ATRX: variants seen among roughly 807,000 people sequenced by gnomAD.
ATRX encodes chromatin remodeler ATRX.
In ATRX, 12 loss-of-function variants were observed where a neutral mutation model predicts 172.6. The observed-to-expected ratio is 0.07, with a 90% confidence interval of 0.04 to 0.11. The LOEUF (loss-of-function observed/expected upper bound fraction) is 0.11. Ranked by LOEUF, ATRX falls within the 10% of genes least tolerant of loss-of-function variation. ATRX has a pLI of 1.00. For missense variants in ATRX, 1,368 were observed against 1,767.4 expected, an observed-to-expected ratio of 0.77 and a Z score of 4.05; for synonymous variants, 674 against 594.7, an observed-to-expected ratio of 1.13 and a Z score of -1.94.
intron 1 of ATRX, chrX:77,728,217 T>TAAAAA (rs781917697): frequency 2.1e-5 from 2 of 93,788 alleles, no homozygotes; most frequent in Non-Finnish European, 4.3e-5. Flanking sequence ...CATCTTTATT[T>TAAAAA]AAAAAAAAAA....
At chrX:77,525,113 A>G (rs1324554872) in intron 30 of ATRX, among the ~76,000 whole-genome samples, 4 of 112,366 alleles carry the variant, frequency 3.6e-5, no homozygotes, top group African/African-American at 1.3e-4. Flanking sequence ...ACAGGACTCA[A>G]TAAAGTCTAC....
intron 1 of ATRX, among the ~76,000 whole-genome samples, chrX:77,728,825 T>A (rs1166723728): frequency 1.9e-5 from 2 of 105,324 alleles, no homozygotes; most frequent in African/African-American, 6.9e-5. Context: ...AGTGGTTCGA[T>A]CTCGGCTCAC....
chrX:77,738,608 T>C (rs1557180305), intron 1 of ATRX, among the ~76,000 whole-genome samples: 1 of 96,586 alleles, frequency 1.0e-5, no homozygotes, highest in Non-Finnish European at 2.1e-5. Flanking sequence ...CTGTCACCCA[T>C]GCTGGAGTTC....
intron 1 of ATRX, chrX:77,728,207 C>A (rs2074137164): frequency 9.5e-6 from 1 of 105,188 alleles, no homozygotes; most frequent in Non-Finnish European, 2.0e-5. Flanking sequence ...AGCGAGCCCC[C>A]ATCTTTATTT....
chrX:77,690,764 T>C (rs1312590895), intron 6 of ATRX: 4 of 112,462 alleles, frequency 3.6e-5, no homozygotes, highest in African/African-American at 1.3e-4. Context: ...AAATAAAATG[T>C]AGAATCTGAA....
intron 10 of ATRX, among the ~76,000 whole-genome samples, chrX:77,670,108 T>C (rs2070475164): frequency 8.9e-6 from 1 of 112,133 alleles, no homozygotes; most frequent in Admixed American, 9.5e-5. Flanking sequence ...TTTTATCTTT[T>C]AAGAGGTTCT....
intron 30 of ATRX, among the ~76,000 whole-genome samples, chrX:77,538,383 T>G (rs1487304767): frequency 9.0e-6 from 1 of 110,633 alleles, no homozygotes; most frequent in Non-Finnish European, 1.9e-5. Context: ...AGTCAAATAC[T>G]ACATATTCTC....
intron 28 of ATRX, among the ~76,000 whole-genome samples, chrX:77,559,142 T>G (rs1424313990): frequency 9.0e-6 from 1 of 111,011 alleles, no homozygotes; most frequent in Non-Finnish European, 1.9e-5. Flanking sequence ...CTGAATAAAT[T>G]TAGAGAATTT....
In ATRX at chrX:77,730,466, A is replaced by C. The variant is rs1364977752; in HGVS notation, c.21-13223T>G. Among the ~76,000 whole-genome samples the C allele has an allele frequency of 2.7e-5, 3 of 112,042 alleles. No individual in the cohort carries two copies. In the East Asian group the frequency reaches 8.4e-4, roughly 31 times the overall value. ...AACCAACAATGAAGCATCAGACTTA[A>C]TGTGCATTAGAGGCCAAATGGACCT... On this transcript the variant is annotated intron_variant, in intron 1 of 34. Transcript: ENST00000373344.
chrX:77,728,769 T>C (rs1216057917), intron 1 of ATRX, among the ~76,000 whole-genome samples: 5 of 106,181 alleles, frequency 4.7e-5, no homozygotes, highest in South Asian at 4.1e-4. Context: ...CTTTTCTTTT[T>C]TTTTTTTTGA....
chrX:77,720,150 T>C (rs1313010361), intron 1 of ATRX, among the ~76,000 whole-genome samples: 1 of 111,880 alleles, frequency 8.9e-6, no homozygotes, highest in Non-Finnish European at 1.9e-5. Flanking sequence ...AGAGACAACA[T>C]ACCAGAATTT....
chrX:77,749,211 C>T (rs2075209832), intron 1 of ATRX, among the ~76,000 whole-genome samples: 6 of 111,305 alleles, frequency 5.4e-5, no homozygotes. Context: ...TAGTATTTGA[C>T]TTTCTGAGTT....
chrX:77,640,583 C>G (rs1398759322), intron 15 of ATRX, among the ~76,000 whole-genome samples: 1 of 110,329 alleles, frequency 9.1e-6, no homozygotes, highest in Non-Finnish European at 1.9e-5. Flanking sequence ...GAAAAGTAGG[C>G]AAAATATATG....
At chrX:77,562,068 C>A (rs1023731430) in intron 28 of ATRX, among the ~76,000 whole-genome samples, 2 of 112,092 alleles carry the variant, frequency 1.8e-5, no homozygotes, top group Non-Finnish European at 3.8e-5. Flanking sequence ...CAGATCAGTT[C>A]TCTATCATTA....
Position 77,612,092 on chromosome X carries a change from C to A in ATRX, c.5566+4521G>T, listed in dbSNP as rs1602825083. Among the ~76,000 whole-genome samples the A allele has an allele frequency of 3.6e-5, 4 of 111,065 alleles. 1 individual carries two copies. Among genetic ancestry groups the A allele is most frequent in the South Asian group, 3.8e-4 (1 of 2,646 alleles). On this transcript the variant is annotated intron_variant, in intron 22 of 34. Transcript: ENST00000373344. ...TTTCAGTGTCATTTCTCCATGTTCC[C>A]CTTGTCTAGTTCACTCATCTCAGGT...
At chrX:77,778,766 A>T (rs1814923094) in intron 1 of ATRX, among the ~76,000 whole-genome samples, 1 of 110,598 alleles carries the variant, frequency 9.0e-6, no homozygotes, top group African/African-American at 3.3e-5. Flanking sequence ...TTTGTCCAGA[A>T]ATTAAGTTTA....
rs781908609 is a variant in ATRX at position 77,683,127 on chromosome X, T to G, written c.2129A>C (p.Asn710Thr). 8.3e-7 allele frequency: 1 copy of G among 1,210,954 alleles called. No individual in the cohort carries two copies. The highest frequency in any genetic ancestry group is 3.0e-5 in the East Asian group (1 of 33,838). The stretch of plus-strand genomic sequence containing the variant: ...TTTTGGCAATTTATTAGGCTTAGGA[T>G]TATCTATAGCACTGTCAGAAGAATT... ...KRNSSDSAID[N>T]PKPNKLPKSK... The change falls in exon 9 of 35, where the codon AAT (asparagine) becomes ACT (threonine). Residue 710 changes from asparagine to threonine, a missense_variant. This residue lies in a region of ATRX where 843 missense variants were observed against 643.1 expected (regional missense o/e 1.31). Coordinates refer to ENST00000373344, the MANE Select transcript of ATRX (RefSeq NM_000489.6).
chrX:77,652,419 A>G (rs1390310453), intron 14 of ATRX, 66 bp from the exon 15 acceptor site: 12 of 1,091,389 alleles, frequency 1.1e-5, no homozygotes, highest in Non-Finnish European at 7.4e-6. Flanking sequence ...TTCATATTCC[A>G]TTAATTAACA....
intron 28 of ATRX, among the ~76,000 whole-genome samples, chrX:77,573,456 G>C (rs1189152386): frequency 9.0e-6 from 1 of 111,429 alleles, no homozygotes; most frequent in African/African-American, 3.3e-5. Context: ...AATGTAGCTT[G>C]ATTTTGTCAA....
Sources: allele counts gnomAD v4.1 joint callset (sites outside exome capture counted in the v4.1 genomes callset), GRCh38; gene constraint gnomAD v4.1.1; regional missense constraint gnomAD v4.1.1; transcripts MANE v1.5; gene names NCBI Gene and HGNC (gene_info 2026-07-23, HGNC 2026-07-21).